WASHC5: variants seen among roughly 807,000 people sequenced by gnomAD.
WASHC5 encodes the protein WASH complex subunit 5, also known as WASH complex subunit strumpellin.
WASHC5 carries 101 observed loss-of-function variants against 150.4 expected under a neutral mutation model. That is an observed-to-expected ratio of 0.67 (90% CI 0.57 to 0.79). WASHC5 has a LOEUF of 0.79. WASHC5 is among the 30% of genes least tolerant of loss of function. WASHC5 has a pLI of 0.00. For synonymous variants in WASHC5, 467 were observed against 491.2 expected (o/e 0.95, Z 0.65); for missense variants, 1,195 against 1,396.3 (o/e 0.86, Z 2.30).
intron 10 of WASHC5, among the ~76,000 whole-genome samples, chr8:125,065,326 AT>A (rs901867856): frequency 4.2e-4 from 63 of 149,964 alleles, no homozygotes; most frequent in African/African-American, 1.4e-3. Flanking sequence ...TGTATTGGGT[AT>A]TTTTTTTTTC....
intron 23 of WASHC5, among the ~76,000 whole-genome samples, chr8:125,042,203 T>C (rs904795255): frequency 1.3e-5 from 2 of 152,226 alleles, no homozygotes; most frequent in Non-Finnish European, 2.9e-5. Flanking sequence ...TGGAGATATC[T>C]GGCTTATCAC....
chr8:125,076,828 A>G (rs1303833915), intron 6 of WASHC5, among the ~76,000 whole-genome samples: 1 of 151,014 alleles, frequency 6.6e-6, no homozygotes, highest in Non-Finnish European at 1.5e-5. Flanking sequence ...CAACCCTTAG[A>G]ACTGACAGGC....
At chr8:125,091,099 T>C (rs866055652) in intron 1 of WASHC5, among the ~76,000 whole-genome samples, 2 of 151,512 alleles carry the variant, frequency 1.3e-5, no homozygotes, top group Middle Eastern at 6.8e-3. Flanking sequence ...TAATCCTGAT[T>C]CCGATCCCAG....
Position 125,043,847 on chromosome 8 carries a change from G to A in WASHC5, c.2828C>T (p.Ala943Val), listed in dbSNP as rs1382647480. Residue 943 changes from alanine to valine, a missense_variant, in exon 23 of 29, where the codon GCG becomes GTG. This residue lies in a region of WASHC5 where 997 missense variants were observed against 1,168.1 expected (regional missense o/e 0.85). Transcript: ENST00000318410. ...TACCTTCATTATAGCCTCGAGATACGCAGTCCAAATCTTCTGTGTTTTGGC... is the reference window on the plus strand; with the variant it reads ...TACCTTCATTATAGCCTCGAGATACACAGTCCAAATCTTCTGTGTTTTGGC... ...AIAKTQKIWT[A>V]YLEAIMKVGQ... 8 of 1,610,736 alleles carry A rather than the reference G, an allele frequency of 5.0e-6. No homozygotes were observed. The highest frequency in any genetic ancestry group is 2.2e-5 in the East Asian group (1 of 44,850).
chr8:125,038,995 G>T (rs544102919), intron 24 of WASHC5, 36 bp from the exon 25 acceptor site: 3 of 1,604,588 alleles, frequency 1.9e-6, no homozygotes, highest in Middle Eastern at 1.8e-4. Context: ...AAACATTAGT[G>T]AGTAAATGAA....
At chr8:125,048,916 T>C (rs1321920438) in intron 19 of WASHC5, 90 bp downstream of exon 19, 1 of 1,105,234 alleles carries the variant, frequency 9.0e-7, no homozygotes, top group Non-Finnish European at 1.3e-6. Flanking sequence ...TCTAGTAAAC[T>C]TTCTTGTTGA....
intron 20 of WASHC5, among the ~76,000 whole-genome samples, chr8:125,046,357 G>A (rs925608249): frequency 6.6e-6 from 1 of 152,178 alleles, no homozygotes; most frequent in Non-Finnish European, 1.5e-5. Flanking sequence ...TCTCTGCCGT[G>A]GTGCTCACCT....
intron 12 of WASHC5, among the ~76,000 whole-genome samples, chr8:125,060,785 C>T (rs1484397112): frequency 6.6e-6 from 1 of 151,910 alleles, no homozygotes; most frequent in Non-Finnish European, 1.5e-5. Flanking sequence ...TTTGTTTTTG[C>T]TTTTACCTCC....
chr8:125,083,315 T>C lies in WASHC5; in HGVS notation c.187-57A>G, dbSNP rs917539213. 1.3e-5 allele frequency: 19 copies of C among 1,518,444 alleles called. No homozygotes were observed. The East Asian group carries it at 1.6e-4, about 13-fold the overall frequency. 94.1% of individuals were successfully genotyped at this position (1,518,444 alleles called of 1,614,324 possible). Reference sequence around the variant, plus strand: ...TAAAAGCATACTTGTTGGTGACAATTTCTAAATAGTCTTTTAAAAATTTGT... The same window carrying C: ...TAAAAGCATACTTGTTGGTGACAATCTCTAAATAGTCTTTTAAAAATTTGT... On this transcript the variant is annotated intron_variant, in intron 2 of 28. Coordinates refer to ENST00000318410, the MANE Select transcript of WASHC5 (RefSeq NM_014846.4).
chr8:125,080,044 T>C (rs1177462388), intron 5 of WASHC5, among the ~76,000 whole-genome samples: 1 of 152,216 alleles, frequency 6.6e-6, no homozygotes, highest in Non-Finnish European at 1.5e-5. Context: ...TAAACAGGTC[T>C]GTGATTTTTC....
chr8:125,070,132 C>T (rs1264763723), intron 9 of WASHC5, among the ~76,000 whole-genome samples: 1 of 152,190 alleles, frequency 6.6e-6, no homozygotes, highest in Admixed American at 6.5e-5. Context: ...TTTCTCATCC[C>T]TTATTTCCTC....
At chr8:125,025,686 T>C (rs780408406) in intron 28 of WASHC5, among the ~76,000 whole-genome samples, 8 of 152,202 alleles carry the variant, frequency 5.3e-5, no homozygotes, top group Non-Finnish European at 1.2e-4. Context: ...ACATGTATAA[T>C]ACCTATGTAA....
intron 6 of WASHC5, among the ~76,000 whole-genome samples, chr8:125,077,792 G>A (rs141371544): frequency 3.9e-4 from 60 of 152,244 alleles, no homozygotes; most frequent in Admixed American, 3.3e-3. Flanking sequence ...AAAATGGTAT[G>A]GGAACAAAAC....
At chr8:125,058,070 G>A (rs193060883) in intron 14 of WASHC5, among the ~76,000 whole-genome samples, 1 of 151,472 alleles carries the variant, frequency 6.6e-6, no homozygotes, top group East Asian at 1.9e-4. Context: ...CGTTCTGATT[G>A]ACGTTCTGAT....
rs1227604567 is a variant in WASHC5, at chr8:125,050,771, C to T, written c.2098-106G>A. 5 of 789,698 alleles carry T rather than the reference C, an allele frequency of 6.3e-6. No individual in the cohort carries two copies. The East Asian group carries it at 1.3e-4, about 20-fold the overall frequency. The allele number at this position is 789,698 out of a possible 1,614,324, so 48.9% of individuals were successfully genotyped here. ...AATCTGCAGTGGGGCATTTTCCTAC[C>T]TCCTCACTAAATGATTTGAATTTTT... On this transcript the variant is annotated intron_variant, in intron 17 of 28. Coordinates refer to ENST00000318410, the MANE Select transcript of WASHC5 (RefSeq NM_014846.4).
chr8:125,027,146 T>C (rs1815398724), intron 28 of WASHC5, among the ~76,000 whole-genome samples: 1 of 152,260 alleles, frequency 6.6e-6, no homozygotes, highest in Non-Finnish European at 1.5e-5. Flanking sequence ...AATCGATTGA[T>C]GTATTTCATA....
Position 125,049,285 on chromosome 8 carries a change from G to C in WASHC5, c.2200-100C>G. On this transcript the variant is annotated intron_variant, in intron 18 of 28. Coordinates refer to ENST00000318410, the MANE Select transcript of WASHC5 (RefSeq NM_014846.4). ...CTTTAAATAGTATAGCAGGCCAGAT[G>C]CGGTGGCTCCCACCTGTAACCCCAG... 1.3e-5 allele frequency: 17 copies of C among 1,292,858 alleles called. 1 individual carries two copies. The highest frequency in any genetic ancestry group is 1.9e-5 in the Non-Finnish European group (17 of 904,106). The allele number at this position is 1,292,858 out of a possible 1,614,324, so 80.1% of individuals were successfully genotyped here. A position where few individuals can be genotyped will look rare whatever the true frequency, so the allele number is the denominator to read the frequency against.
intron 23 of WASHC5, among the ~76,000 whole-genome samples, chr8:125,042,347 G>A (rs1228317072): frequency 6.6e-6 from 1 of 152,134 alleles, no homozygotes; most frequent in Non-Finnish European, 1.5e-5. Context: ...CACATTTCAT[G>A]AGCTCAATAG....
chr8:125,054,003 T>C (rs996136152), intron 17 of WASHC5, among the ~76,000 whole-genome samples: 1 of 152,214 alleles, frequency 6.6e-6, no homozygotes, highest in Non-Finnish European at 1.5e-5. Flanking sequence ...CATTTGTATC[T>C]CAACATCCAT....
Sources: gnomAD v4.1 joint callset for allele counts (sites outside exome capture counted in the v4.1 genomes callset) on GRCh38, gnomAD v4.1.1 for gene constraint, gnomAD v4.1.1 regional missense constraint, MANE v1.5 for transcripts, NCBI Gene and HGNC (gene_info 2026-07-23, HGNC 2026-07-21) for gene names.